KIN: variants seen among roughly 807,000 people sequenced by gnomAD.
KIN encodes the protein Kin17 DNA and RNA binding protein, also known as DNA/RNA-binding protein KIN17.
In KIN, 47 loss-of-function variants were observed where a neutral mutation model predicts 63.0. The observed-to-expected ratio is 0.75, with a 90% confidence interval of 0.59 to 0.95. The LOEUF is 0.95. KIN is among the 40% of genes least tolerant of loss of function. The pLI, the probability that KIN is intolerant of heterozygous loss-of-function variation, is 0.00. For missense variants in KIN, 408 were observed against 460.9 expected, an observed-to-expected ratio of 0.89 and a Z score of 1.05; for synonymous variants, 160 against 157.7, an observed-to-expected ratio of 1.01 and a Z score of -0.11.
intron 8 of KIN, chr10:7,766,313 T>C (rs1588474707): frequency 2.3e-6 from 1 of 442,922 alleles, no homozygotes; most frequent in East Asian, 4.0e-5. Context: ...TTTAAAAGTA[T>C]ATAATAAAGC....
At position 7,769,464 on chromosome 10, in the gene KIN, G is replaced by A. The variant is rs1312841914; in HGVS notation, c.669-119C>T. ...ACATAGTAATTTACAGGAGATTAGT[G>A]AAAACCATGGAGTCCCTGTCCACAT... On this transcript the variant is annotated intron_variant, in intron 7 of 12. Coordinates refer to ENST00000379562, the MANE Select transcript of KIN (RefSeq NM_012311.4). 3.1e-6 allele frequency: 3 copies of A among 974,362 alleles called. No individual in the cohort carries two copies. The African/African-American group carries it at 4.9e-5, about 16-fold the overall frequency. 60.4% of individuals were successfully genotyped at this position (974,362 alleles called of 1,614,324 possible). A position where few individuals can be genotyped will look rare whatever the true frequency, so the allele number is the denominator to read the frequency against.
At chr10:7,771,412 C>T (rs1362891498) in intron 7 of KIN, among the ~76,000 whole-genome samples, 1 of 152,150 alleles carries the variant, frequency 6.6e-6, no homozygotes, top group African/African-American at 2.4e-5. Context: ...AAAGACTTTT[C>T]TCCACTTAAA....
intron 9 of KIN, among the ~76,000 whole-genome samples, chr10:7,765,739 T>C (rs1194754610): frequency 1.3e-5 from 2 of 152,220 alleles, no homozygotes; most frequent in Admixed American, 6.5e-5. Flanking sequence ...CTTTTTGAAC[T>C]CATTTCTGAA....
In KIN at chr10:7,780,746, G is replaced by C. The variant is rs139007469; in HGVS notation, c.210-439C>G. 2.8e-3 allele frequency among the ~76,000 whole-genome samples: 422 copies of C among 152,276 alleles called. 2 individuals carry two copies. Among genetic ancestry groups the C allele is most frequent in the African/African-American group, 9.8e-3 (406 of 41,564 alleles). ...CAAATGATATGTGAAACATCTACAT[G>C]AATATGGCTATGAACCTTTAAAAAC... is the stretch of plus-strand genomic sequence containing the variant. On this transcript the variant is annotated intron_variant, in intron 2 of 12. Coordinates refer to ENST00000379562, the MANE Select transcript of KIN (RefSeq NM_012311.4).
chr10:7,771,895 CAA>C (rs34263870), intron 7 of KIN, among the ~76,000 whole-genome samples: 86 of 107,170 alleles, frequency 8.0e-4, no homozygotes, highest in East Asian at 1.1e-3. Flanking sequence ...AATTCCGTCT[CAA>C]AAAAAAAAAA....
intron 5 of KIN, among the ~76,000 whole-genome samples, chr10:7,776,388 A>G (rs1184011355): frequency 6.7e-6 from 1 of 149,332 alleles, no homozygotes; most frequent in African/African-American, 2.5e-5. Context: ...TAAAAATACA[A>G]AAATTTAGCC....
chr10:7,769,773 A>T (rs1330799313), intron 7 of KIN, among the ~76,000 whole-genome samples: 1 of 152,170 alleles, frequency 6.6e-6, no homozygotes, highest in African/African-American at 2.4e-5. Context: ...AGATAATAAC[A>T]TGACCCAACT....
chr10:7,775,644 A>T lies in KIN; in HGVS notation c.607+107T>A. The stretch of plus-strand genomic sequence containing the variant: ...AATTAATAAGAACAATGTAACTCAG[A>T]CACATTCGATGTCTTATTCTCAGAT... On this transcript the variant is annotated intron_variant, in intron 6 of 12. Coordinates refer to ENST00000379562, the MANE Select transcript of KIN (RefSeq NM_012311.4). 7.1e-6 allele frequency: 4 copies of T among 567,016 alleles called. No individual in the cohort carries two copies. The Admixed American group carries it at 1.4e-4, about 19-fold the overall frequency. The allele number at this position is 567,016 out of a possible 1,614,324, so 35.1% of individuals were successfully genotyped here.
intron 7 of KIN, among the ~76,000 whole-genome samples, chr10:7,773,058 C>G (rs940764389): frequency 3.3e-5 from 5 of 152,110 alleles, no homozygotes; most frequent in African/African-American, 1.2e-4. Flanking sequence ...GAGGATGGGG[C>G]AAAGAGACAT....
At position 7,754,007 on chromosome 10, in the gene KIN, T is replaced by C. The variant is rs1038111016; in HGVS notation, c.*2073A>G. On this transcript the variant is annotated 3_prime_UTR_variant, in exon 13 of 13. Coordinates refer to ENST00000379562, the MANE Select transcript of KIN (RefSeq NM_012311.4). Reference sequence around the variant, plus strand: ...CATGTTTGAAGTGATCATCCTGGTATGGTCTGTTTTTTGTTTGAACTCTTG... The same window carrying C: ...CATGTTTGAAGTGATCATCCTGGTACGGTCTGTTTTTTGTTTGAACTCTTG... The C allele has an allele frequency of 2.2e-5, 10 of 455,852 alleles. No homozygotes were observed. Among genetic ancestry groups the C allele is most frequent in the Non-Finnish European group, 4.4e-5 (10 of 226,776 alleles). 28.2% of individuals were successfully genotyped at this position (455,852 alleles called of 1,614,324 possible).
chr10:7,777,691 A>C (rs111959318), intron 5 of KIN, among the ~76,000 whole-genome samples: 1,925 of 152,232 alleles, frequency 0.013, 23 homozygotes, highest in Middle Eastern at 0.02. Flanking sequence ...TGAGGTCAGG[A>C]GTTTGAGATC....
At position 7,787,709 on chromosome 10, in the gene KIN, G is replaced by T; in HGVS notation, c.114+111C>A. The T allele has an allele frequency of 3.7e-6, 3 of 817,038 alleles. No homozygotes were observed. In the South Asian group the frequency reaches 4.2e-5, roughly 11 times the overall value. The allele number at this position is 817,038 out of a possible 1,614,324, so 50.6% of individuals were successfully genotyped here. ...CCACTGCAGACCTCAGAAGCCTCAC[G>T]ACCCGGACCCCGGGAGCCCCAGCCC... is the stretch of plus-strand genomic sequence containing the variant. On this transcript the variant is annotated intron_variant, in intron 1 of 12. Transcript: ENST00000379562.
At chr10:7,776,125 G>A (rs1045921225) in intron 5 of KIN, among the ~76,000 whole-genome samples, 1 of 151,638 alleles carries the variant, frequency 6.6e-6, no homozygotes, top group Non-Finnish European at 1.5e-5. Flanking sequence ...AGCTACTCAG[G>A]AGGCTGAGGC....
chr10:7,779,109 C>A, intron 4 of KIN, 90 bp from the exon 5 acceptor site: 1 of 1,455,508 alleles, frequency 6.9e-7, no homozygotes, highest in South Asian at 1.3e-5. Context: ...TTTATTCATT[C>A]AAACACACAC....
intron 2 of KIN, 43 bp downstream of exon 2, chr10:7,783,038 C>A: frequency 9.9e-7 from 1 of 1,005,050 alleles, no homozygotes; most frequent in Non-Finnish European, 1.5e-6. Context: ...AAATGTTCAA[C>A]TGAATAAAGC....
intron 1 of KIN, 23 bp downstream of exon 1, chr10:7,787,797 G>C (rs1320391574): frequency 7.7e-6 from 12 of 1,559,078 alleles, no homozygotes; most frequent in Middle Eastern, 1.7e-4. Context: ...CTGGGAAGAC[G>C]GGGCCACTCC....
At chr10:7,786,671 C>T (rs532071936) in intron 1 of KIN, among the ~76,000 whole-genome samples, 6 of 152,092 alleles carry the variant, frequency 3.9e-5, no homozygotes, top group South Asian at 2.1e-4. Flanking sequence ...GAGGCAGTTT[C>T]GCAAACCAAG....
chr10:7,767,275 G>A (rs1027324942), intron 8 of KIN, among the ~76,000 whole-genome samples: 2 of 151,896 alleles, frequency 1.3e-5, no homozygotes, highest in African/African-American at 2.4e-5. Flanking sequence ...ATGCTTGATC[G>A]TTCCTGTCTA....
intron 11 of KIN, among the ~76,000 whole-genome samples, chr10:7,761,905 G>C (rs192981913): frequency 3.2e-4 from 48 of 152,300 alleles, no homozygotes; most frequent in African/African-American, 1.1e-3. Flanking sequence ...GGGAGGCTAA[G>C]GCAGGAGAAT....
Sources: allele counts gnomAD v4.1 joint callset (sites outside exome capture counted in the v4.1 genomes callset), GRCh38; gene constraint gnomAD v4.1.1; transcripts MANE v1.5; gene names NCBI Gene and HGNC (gene_info 2026-07-23, HGNC 2026-07-21).